SEMA3A: variants seen among roughly 807,000 people sequenced by gnomAD.
SEMA3A encodes semaphorin-3A.
In SEMA3A, 29 loss-of-function variants were observed where a neutral mutation model predicts 97.9. The observed-to-expected ratio is 0.30, with a 90% CI of 0.22 to 0.40. SEMA3A has a LOEUF of 0.40. Among genes scored for constraint, SEMA3A ranks in the 10% least tolerant of loss-of-function variants. The probability of loss-of-function intolerance (pLI) is 1.00; values close to 1 mark genes in which losing one functional copy is unlikely to be tolerated. For synonymous variants in SEMA3A, 321 were observed against 323.7 expected, an observed-to-expected ratio of 0.99 and a Z score of 0.09; for missense variants, 763 against 951.3, an observed-to-expected ratio of 0.80 and a Z score of 2.60.
chr7:84,463,234 A>ATTTTTT (rs1156790369), intron 1 of SEMA3A, among the ~76,000 whole-genome samples: 1 of 62,064 alleles, frequency 1.6e-5, no homozygotes, highest in African/African-American at 7.6e-5. Context: ...TTTTGTAACT[A>ATTTTTT]TTCTTTTTTT....
chr7:84,056,326 A>G (rs1274961097), intron 5 of SEMA3A, among the ~76,000 whole-genome samples: 1 of 152,222 alleles, frequency 6.6e-6, no homozygotes, highest in African/African-American at 2.4e-5. Flanking sequence ...CTCAAAACTC[A>G]AAATGAAGTA....
At chr7:84,054,303 A>C (rs1583882474) in intron 5 of SEMA3A, among the ~76,000 whole-genome samples, 1 of 152,352 alleles carries the variant, frequency 6.6e-6, no homozygotes, top group East Asian at 1.9e-4. Flanking sequence ...TATCCTGCAG[A>C]GTGTTTTCCA....
chr7:84,098,063 G>T (rs187952591), intron 4 of SEMA3A, among the ~76,000 whole-genome samples: 1 of 152,048 alleles, frequency 6.6e-6, no homozygotes, highest in African/African-American at 2.4e-5. Context: ...TAAAGAGTAT[G>T]ACCATCTTCT....
chr7:84,249,661 G>C (rs1264691912), intron 3 of SEMA3A, among the ~76,000 whole-genome samples: 1 of 151,832 alleles, frequency 6.6e-6, no homozygotes, highest in Non-Finnish European at 1.5e-5. Context: ...AAAGAACCAT[G>C]ATTCCAGGTC....
intron 2 of SEMA3A, among the ~76,000 whole-genome samples, chr7:84,355,168 TAACAAA>T (rs1373547015): frequency 2.0e-5 from 3 of 151,874 alleles, no homozygotes; most frequent in African/African-American, 7.2e-5. Context: ...AAGTTTAGTT[TAACAAA>T]AACAAAGCTG....
In SEMA3A at chr7:84,011,646, G is replaced by A. The variant is rs1050080726; in HGVS notation, c.811-349C>T. ...TCTACAATTCAGCCTTAAGAAAAAG[G>A]AAATCAATTAGATAAGAGGAAAAAA... On this transcript the variant is annotated intron_variant, in intron 7 of 16. Transcript: ENST00000265362. Among the ~76,000 whole-genome samples the A allele has an allele frequency of 2.0e-4, 30 of 152,032 alleles. 1 individual carries two copies. The highest frequency in any genetic ancestry group is 1.8e-3 in the Admixed American group (27 of 15,250).
chr7:84,082,986 A>C (rs1472655446), intron 4 of SEMA3A, among the ~76,000 whole-genome samples: 1 of 151,878 alleles, frequency 6.6e-6, no homozygotes, highest in African/African-American at 2.4e-5. Context: ...TTTAAATTTT[A>C]TGTCAGAATT....
At chr7:84,464,090 T>A (rs1373186446) in intron 1 of SEMA3A, among the ~76,000 whole-genome samples, 4 of 152,094 alleles carry the variant, frequency 2.6e-5, no homozygotes, top group African/African-American at 9.7e-5. Context: ...ATCTTTAAAC[T>A]CAAAAAAATG....
chr7:84,461,231 T>C (rs979649481), intron 1 of SEMA3A, among the ~76,000 whole-genome samples: 1 of 152,140 alleles, frequency 6.6e-6, no homozygotes, highest in Non-Finnish European at 1.5e-5. Context: ...TAGTAAGCAG[T>C]CTGCAGCTGC....
rs866711274 is a variant in SEMA3A at position 83,961,560 on chromosome 7, G to C, written c.2127C>G (p.Leu709=). The C allele has an allele frequency of 6.2e-7, 1 of 1,614,090 alleles. No homozygotes were observed. The highest frequency in any genetic ancestry group is 8.5e-7 in the Non-Finnish European group (1 of 1,179,972). Residue 709 remains leucine, a synonymous_variant, in exon 17 of 17, where the codon CTC becomes CTG. Transcript: ENST00000265362. The stretch of plus-strand genomic sequence containing the variant: ...TTGTGTTGAGATTGGGGTGGTTGAT[G>C]AGCTGCATGAAGTCTCTGTACCAGA... ...QKVWYRDFMQ[L]INHPNLNTMD... is the part of the protein sequence containing the mutation.
At chr7:84,002,107 A>G (rs765886612) in intron 11 of SEMA3A, 61 bp from the exon 12 acceptor site, 7 of 879,096 alleles carry the variant, frequency 8.0e-6, no homozygotes, top group Non-Finnish European at 1.3e-5. Flanking sequence ...GATTAGTGTT[A>G]ATGAATGAAA....
At chr7:84,135,080 T>A in intron 1 of SEMA3A, 129 bp from the exon 2 acceptor site, 3 of 612,768 alleles carry the variant, frequency 4.9e-6, no homozygotes, top group Non-Finnish European at 7.8e-6. Flanking sequence ...TTCAGGGTAC[T>A]AAGAAATATA....
intron 2 of SEMA3A, among the ~76,000 whole-genome samples, chr7:84,351,624 CA>C (rs1339822676): frequency 6.6e-6 from 1 of 151,868 alleles, no homozygotes; most frequent in Non-Finnish European, 1.5e-5. Context: ...AAAAAGTACT[CA>C]ACATTACTGA....
intron 3 of SEMA3A, among the ~76,000 whole-genome samples, chr7:84,250,563 C>A (rs1799583900): frequency 6.6e-6 from 1 of 152,076 alleles, no homozygotes; most frequent in South Asian, 2.1e-4. Context: ...TCTGCTTTAG[C>A]CTGCTGGGAG....
chr7:84,433,639 T>C (rs1233804871), intron 1 of SEMA3A, among the ~76,000 whole-genome samples: 2 of 152,164 alleles, frequency 1.3e-5, no homozygotes, highest in African/African-American at 4.8e-5. Flanking sequence ...TCTAGATCCT[T>C]GAGGAATTGC....
chr7:84,453,235 G>C (rs374262059), intron 1 of SEMA3A, among the ~76,000 whole-genome samples: 1,327 of 116,506 alleles, frequency 0.011, 19 homozygotes, highest in Admixed American at 0.053. Flanking sequence ...ATGAGACTTT[G>C]TTTCTTTTTT....
chr7:84,398,585 C>T (rs888083919), intron 1 of SEMA3A, among the ~76,000 whole-genome samples: 2 of 151,986 alleles, frequency 1.3e-5, no homozygotes, highest in African/African-American at 2.4e-5. Context: ...TAGCAAGACT[C>T]TGTCTCTACA....
chr7:84,367,734 C>A (rs1802883098), intron 2 of SEMA3A, among the ~76,000 whole-genome samples: 1 of 150,300 alleles, frequency 6.7e-6, no homozygotes, highest in Admixed American at 6.7e-5. Context: ...ATGAGTAGAC[C>A]TATATATATA....
At chr7:84,190,060 T>C (rs1441471870) in intron 1 of SEMA3A, among the ~76,000 whole-genome samples, 1 of 151,778 alleles carries the variant, frequency 6.6e-6, no homozygotes, top group East Asian at 1.9e-4. Context: ...AAGTTGTTAG[T>C]GACTGAATAT....
Sources: allele counts gnomAD v4.1 joint callset (sites outside exome capture counted in the v4.1 genomes callset), GRCh38; gene constraint gnomAD v4.1.1; transcripts MANE v1.5; gene names NCBI Gene and HGNC (gene_info 2026-07-23, HGNC 2026-07-21).